Variants in SEMA5A observed in about 807,000 individuals in gnomAD.
The protein encoded by SEMA5A is semaphorin-5A.
In SEMA5A, 55 loss-of-function variants were observed where a neutral mutation model predicts 135.5. The ratio of observed to expected loss-of-function variants is 0.41; its 90% CI spans 0.33 to 0.51. The LOEUF (loss-of-function observed/expected upper bound fraction) is 0.51. Among genes scored for constraint, SEMA5A ranks in the 20% least tolerant of loss-of-function variants. The pLI, the probability that SEMA5A is intolerant of heterozygous loss-of-function variation, is 0.37. For missense variants in SEMA5A, 1,290 were observed against 1,419.9 expected (o/e 0.91, Z 1.47); for synonymous variants, 580 against 546.5 (o/e 1.06, Z -0.85).
At chr5:9,062,742 T>G in intron 18 of SEMA5A, 145 bp downstream of exon 18, 1 of 810,788 alleles carries the variant, frequency 1.2e-6, no homozygotes, top group Admixed American at 2.3e-5. Context: ...ATTACCAGCA[T>G]GAGCAACCAC....
intron 21 of SEMA5A, among the ~76,000 whole-genome samples, chr5:9,048,849 C>CTGTT (rs1387389400): frequency 3.9e-5 from 6 of 152,314 alleles, no homozygotes; most frequent in South Asian, 2.1e-4. Flanking sequence ...TTTATGTGAA[C>CTGTT]TGTTTGCATA....
intron 12 of SEMA5A, among the ~76,000 whole-genome samples, chr5:9,141,539 T>C (rs16882083): frequency 0.29 from 44,776 of 152,046 alleles, 6,693 homozygotes; most frequent in Non-Finnish European, 0.32. Context: ...ATAAAAATGT[T>C]AGTCAGAATC....
chr5:9,102,222 T>C (rs1739670315), intron 16 of SEMA5A, among the ~76,000 whole-genome samples: 1 of 152,222 alleles, frequency 6.6e-6, no homozygotes, highest in Non-Finnish European at 1.5e-5. Context: ...ACCTCTCCTC[T>C]ATATTTTATG....
chr5:9,404,008 C>T (rs900900226), intron 2 of SEMA5A, among the ~76,000 whole-genome samples: 2 of 152,174 alleles, frequency 1.3e-5, no homozygotes, highest in African/African-American at 4.8e-5. Flanking sequence ...GATCTTGGCT[C>T]ACTGCAAACT....
chr5:9,500,634 T>C (rs1359318475), intron 1 of SEMA5A, among the ~76,000 whole-genome samples: 2 of 152,180 alleles, frequency 1.3e-5, no homozygotes, highest in Non-Finnish European at 2.9e-5. Flanking sequence ...GGACACCCAG[T>C]TCAATTTGCA....
At chr5:9,238,137 C>T (rs1748010720) in intron 5 of SEMA5A, among the ~76,000 whole-genome samples, 1 of 152,076 alleles carries the variant, frequency 6.6e-6, no homozygotes, top group South Asian at 2.1e-4. Context: ...TGATGGGATG[C>T]TTAGATCTAG....
At chr5:9,276,270 T>G (rs1750256220) in intron 5 of SEMA5A, among the ~76,000 whole-genome samples, 1 of 152,134 alleles carries the variant, frequency 6.6e-6, no homozygotes, top group African/African-American at 2.4e-5. Flanking sequence ...AAGGGCCTCT[T>G]CAAGGGGAAC....
At chr5:9,081,448 C>A (rs1263898344) in intron 16 of SEMA5A, among the ~76,000 whole-genome samples, 2 of 152,018 alleles carry the variant, frequency 1.3e-5, no homozygotes, top group Non-Finnish European at 2.9e-5. Flanking sequence ...GTGTATATAT[C>A]TATATATAGA....
chr5:9,104,937 C>T (rs943816560), intron 16 of SEMA5A, among the ~76,000 whole-genome samples: 1 of 152,184 alleles, frequency 6.6e-6, no homozygotes, highest in African/African-American at 2.4e-5. Flanking sequence ...TAGAAGTGGT[C>T]CCTCAATCAG....
chr5:9,224,175 A>G (rs1365398590), intron 8 of SEMA5A, among the ~76,000 whole-genome samples: 2 of 152,192 alleles, frequency 1.3e-5, no homozygotes, highest in Non-Finnish European at 2.9e-5. Context: ...AACCCTGAAG[A>G]TGCCTACTAC....
chr5:9,338,786 G>A (rs982101577), intron 3 of SEMA5A, among the ~76,000 whole-genome samples: 3 of 152,106 alleles, frequency 2.0e-5, no homozygotes, highest in East Asian at 1.9e-4. Context: ...TCCAACAAAC[G>A]CTGATGCTAA....
intron 18 of SEMA5A, among the ~76,000 whole-genome samples, chr5:9,061,745 G>A (rs1165181230): frequency 1.3e-5 from 2 of 152,014 alleles, no homozygotes; most frequent in Admixed American, 1.3e-4. Flanking sequence ...TCAGTGGAAT[G>A]AAAAGCCAGG....
At chr5:9,542,649 A>G (rs1052455881) in intron 1 of SEMA5A, among the ~76,000 whole-genome samples, 1 of 152,258 alleles carries the variant, frequency 6.6e-6, no homozygotes. Flanking sequence ...CAACAATTGC[A>G]GAAACATTTT....
At chr5:9,353,244 G>GGAAAGGAAAGGAAAGGAAAGGAAA (rs1754264553) in intron 3 of SEMA5A, among the ~76,000 whole-genome samples, 1 of 118,128 alleles carries the variant, frequency 8.5e-6, no homozygotes, top group African/African-American at 3.5e-5. Flanking sequence ...AGGAAGGAAA[G>GGAAAGGAAAGGAAAGGAAAGGAAA]GGAAGGGAAG....
At chr5:9,279,711 T>G (rs1299890540) in intron 5 of SEMA5A, among the ~76,000 whole-genome samples, 1 of 152,018 alleles carries the variant, frequency 6.6e-6, no homozygotes, top group Admixed American at 6.6e-5. Flanking sequence ...ATCTGATGGT[T>G]TAACAACATG....
chr5:9,400,942 C>T (rs568358618), intron 2 of SEMA5A, among the ~76,000 whole-genome samples: 63 of 152,092 alleles, frequency 4.1e-4, no homozygotes, highest in Non-Finnish European at 7.8e-4. Context: ...TGACTTATTT[C>T]CATGATTTAT....
At chr5:9,073,782 A>T (rs1260876311) in intron 16 of SEMA5A, among the ~76,000 whole-genome samples, 2 of 152,206 alleles carry the variant, frequency 1.3e-5, no homozygotes, top group African/African-American at 4.8e-5. Context: ...AGATCAATGT[A>T]AATATAAAAT....
intron 5 of SEMA5A, among the ~76,000 whole-genome samples, chr5:9,289,536 G>A (rs1312032099): frequency 1.3e-5 from 2 of 151,404 alleles, no homozygotes; most frequent in Non-Finnish European, 2.9e-5. Flanking sequence ...GTGGTGGCAC[G>A]TGCCGGTAGT....
chr5:9,191,008 G>A lies in SEMA5A; in HGVS notation c.1069-537C>T, dbSNP rs1265498324. 2.0e-5 allele frequency among the ~76,000 whole-genome samples: 3 copies of A among 152,126 alleles called. 1 individual carries two copies. Among genetic ancestry groups the A allele is most frequent in the Admixed American group, 1.3e-4 (2 of 15,282 alleles). The stretch of plus-strand genomic sequence containing the variant: ...TTCACATGGGCTACAAAAATACTGT[G>A]CTGGCCTTACTGTTTTCTACTTGTA... On this transcript the variant is annotated intron_variant, in intron 10 of 22. Coordinates refer to ENST00000382496, the MANE Select transcript of SEMA5A (RefSeq NM_003966.3).
Sources: allele counts gnomAD v4.1 joint callset (sites outside exome capture counted in the v4.1 genomes callset), GRCh38; gene constraint gnomAD v4.1.1; transcripts MANE v1.5; gene names NCBI Gene and HGNC (gene_info 2026-07-23, HGNC 2026-07-21).